The following KATNAL1 variants were observed in gnomAD, a reference collection of about 807,000 sequenced individuals.
KATNAL1 encodes the protein katanin catalytic subunit A1 like 1.
KATNAL1 carries 32 observed loss-of-function variants against 55.2 expected under a neutral mutation model. The observed-to-expected ratio is 0.58, with a 90% CI of 0.44 to 0.78. The LOEUF (loss-of-function observed/expected upper bound fraction) is 0.78. KATNAL1 is among the 30% of genes least tolerant of loss of function. The probability of loss-of-function intolerance (pLI) is 0.00; values close to 1 mark genes in which losing one functional copy is unlikely to be tolerated. For missense variants in KATNAL1, 466 were observed against 600.9 expected, an observed-to-expected ratio of 0.78 and a Z score of 2.35; for synonymous variants, 193 against 193.6, an observed-to-expected ratio of 1.00 and a Z score of 0.02.
At chr13:30,269,253 C>T (rs1880041025) in intron 3 of KATNAL1, among the ~76,000 whole-genome samples, 1 of 152,366 alleles carries the variant, frequency 6.6e-6, no homozygotes, top group South Asian at 2.1e-4. Context: ...GACTGGTTTT[C>T]GTATTTTTTT....
At position 30,204,533 on chromosome 13, in the gene KATNAL1, A is replaced by T. The variant is rs1343857913; in HGVS notation, c.*4007T>A. 2 of 152,192 alleles carry T rather than the reference A, an allele frequency of 1.3e-5. No homozygotes were observed. The highest frequency in any genetic ancestry group is 2.9e-5 in the Non-Finnish European group (2 of 68,030). 9.4% of individuals were successfully genotyped at this position (152,192 alleles called of 1,614,324 possible). A position where few individuals can be genotyped will look rare whatever the true frequency, so the allele number is the denominator to read the frequency against. ...TATAAAAACTTATTCCTAAGGAAGG[A>T]ATTCAAATGAACTCAAGCTGTCCAA... On this transcript the variant is annotated 3_prime_UTR_variant, in exon 11 of 11. Coordinates refer to ENST00000380615, the MANE Select transcript of KATNAL1 (RefSeq NM_032116.5).
At position 30,221,642 on chromosome 13, in the gene KATNAL1, G is replaced by A. The variant is rs1201160689; in HGVS notation, c.1147+5770C>T. Among the ~76,000 whole-genome samples the A allele has an allele frequency of 5.9e-5, 9 of 152,200 alleles. No homozygotes were observed. In the East Asian group the frequency reaches 1.5e-3, roughly 26 times the overall value. ...TACATAACTATTTATTATCCTCAAA[G>A]TTTCTGTGTGCCAAGAATTTAAGAG... On this transcript the variant is annotated intron_variant, in intron 9 of 10. Transcript: ENST00000380615.
At chr13:30,220,096 T>A (rs1339247959) in intron 9 of KATNAL1, among the ~76,000 whole-genome samples, 3 of 152,220 alleles carry the variant, frequency 2.0e-5, no homozygotes, top group African/African-American at 7.2e-5. Context: ...TTTTTATTTA[T>A]AATCACTGTA....
chr13:30,246,133 T>C lies in KATNAL1; in HGVS notation c.493-5047A>G, dbSNP rs564392645. Among the ~76,000 whole-genome samples, 23 of 152,210 alleles carry C rather than the reference T, an allele frequency of 1.5e-4. 2 individuals carry two copies. In the South Asian group the frequency reaches 4.6e-3, roughly 30 times the overall value. ...ACAAAGCTGGAGGCATCATGCTACC[T>C]TGACTTCAAACTATACTACAAGGCT... On this transcript the variant is annotated intron_variant, in intron 4 of 10. Transcript: ENST00000380615.
chr13:30,225,265 T>G (rs754861376), intron 9 of KATNAL1, among the ~76,000 whole-genome samples: 12 of 152,206 alleles, frequency 7.9e-5, no homozygotes, highest in Non-Finnish European at 1.3e-4. Context: ...TCTTCCTAAG[T>G]GCCCTCCTTA....
intron 1 of KATNAL1, among the ~76,000 whole-genome samples, chr13:30,305,579 T>C (rs1883126682): frequency 1.3e-5 from 2 of 152,244 alleles, no homozygotes; most frequent in Non-Finnish European, 1.5e-5. Flanking sequence ...GAGCAAGGCC[T>C]CTAAAGCCTG....
chr13:30,223,058 G>A (rs1237871060), intron 9 of KATNAL1, among the ~76,000 whole-genome samples: 5 of 151,894 alleles, frequency 3.3e-5, no homozygotes, highest in Non-Finnish European at 7.4e-5. Flanking sequence ...TCGCGCCACT[G>A]CACTCCCGCC....
Position 30,283,246 on chromosome 13 carries a change from G to A in KATNAL1, c.162+370C>T, listed in dbSNP as rs557999692. 3.5e-3 allele frequency among the ~76,000 whole-genome samples: 268 copies of A among 76,624 alleles called. 1 individual carries two copies. The highest frequency in any genetic ancestry group is 5.0e-3 in the Non-Finnish European group (221 of 44,368). The allele number at this position is 76,624 out of a possible 152,430, so 50.3% of individuals were successfully genotyped here. A position where few individuals can be genotyped will look rare whatever the true frequency, so the allele number is the denominator to read the frequency against. On this transcript the variant is annotated intron_variant, in intron 2 of 10. Transcript: ENST00000380615. ...TGCGCCACTGCACTCCGGCCTGGGC[G>A]ACAGAACAAGACTCTGTCTCAAAAA...
chr13:30,261,566 C>T (rs1368223416), intron 3 of KATNAL1, among the ~76,000 whole-genome samples: 1 of 152,048 alleles, frequency 6.6e-6, no homozygotes, highest in African/African-American at 2.4e-5. Context: ...GGGTTGCAAT[C>T]CTAGTCTCTG....
At chr13:30,270,347 G>A (rs1276289976) in intron 3 of KATNAL1, among the ~76,000 whole-genome samples, 2 of 151,434 alleles carry the variant, frequency 1.3e-5, no homozygotes, top group African/African-American at 2.4e-5. Flanking sequence ...GGAGGTGAGG[G>A]GCGCCTCTGC....
intron 3 of KATNAL1, among the ~76,000 whole-genome samples, chr13:30,261,933 C>T (rs554570309): frequency 6.6e-6 from 1 of 152,052 alleles, no homozygotes; most frequent in Non-Finnish European, 1.5e-5. Flanking sequence ...CAGCACCACA[C>T]CACACCTATT....
intron 3 of KATNAL1, among the ~76,000 whole-genome samples, chr13:30,268,762 C>T (rs138171223): frequency 1.3e-5 from 2 of 152,240 alleles, no homozygotes; most frequent in African/African-American, 4.8e-5. Flanking sequence ...AAAGATGAAA[C>T]TGAATCTAGA....
intron 1 of KATNAL1, among the ~76,000 whole-genome samples, chr13:30,287,633 G>C (rs1161863900): frequency 6.6e-6 from 1 of 152,146 alleles, no homozygotes; most frequent in East Asian, 1.9e-4. Flanking sequence ...ACCACACAAA[G>C]TGTCATCTTC....
At chr13:30,219,728 A>T (rs928843872) in intron 9 of KATNAL1, among the ~76,000 whole-genome samples, 1 of 152,346 alleles carries the variant, frequency 6.6e-6, no homozygotes. Context: ...TTTCATGATC[A>T]TAAGGTACAC....
chr13:30,215,793 G>A (rs1043634158), intron 9 of KATNAL1, among the ~76,000 whole-genome samples: 2 of 151,854 alleles, frequency 1.3e-5, no homozygotes, highest in African/African-American at 4.8e-5. Context: ...GGGGAGTGGG[G>A]AGGGATAGCA....
At position 30,228,333 on chromosome 13, in the gene KATNAL1, T is replaced by G. The variant is rs778708956; in HGVS notation, c.1013-787A>C. ...GCAACCTAGTTCAATACAGTATTTT[T>G]TAAAAAAACAAGGTCTGGTTCTGTT... is the stretch of plus-strand genomic sequence containing the variant. On this transcript the variant is annotated intron_variant, in intron 8 of 10. Transcript: ENST00000380615. 5.2e-4 allele frequency among the ~76,000 whole-genome samples: 79 copies of G among 152,190 alleles called. 1 individual carries two copies. The highest frequency in any genetic ancestry group is 1.3e-4 in the Non-Finnish European group (9 of 68,018).
Position 30,231,489 on chromosome 13 carries a change from C to CTT in KATNAL1, c.727-18_727-17insAA. On this transcript the variant is annotated splice_polypyrimidine_tract_variant and intron_variant, in intron 6 of 10. Coordinates refer to ENST00000380615, the MANE Select transcript of KATNAL1 (RefSeq NM_032116.5). ...CAGTACACCCTGAAATTTCAAAAGA[C>CTT]AAATTAAATGATTTATCAGATTAAA... 6.8e-7 allele frequency: 1 copy of CTT among 1,480,352 alleles called. No individual in the cohort carries two copies. Among genetic ancestry groups the CTT allele is most frequent in the Non-Finnish European group, 9.0e-7 (1 of 1,110,204 alleles). The allele number at this position is 1,480,352 out of a possible 1,614,324, so 91.7% of individuals were successfully genotyped here. A position where few individuals can be genotyped will look rare whatever the true frequency, so the allele number is the denominator to read the frequency against.
rs986752822 is a variant in KATNAL1 at position 30,205,081 on chromosome 13, A to G, written c.*3459T>C. The G allele has an allele frequency of 6.6e-6, 1 of 152,274 alleles. No homozygotes were observed. The highest frequency in any genetic ancestry group is 2.4e-5 in the African/African-American group (1 of 41,470). The allele number at this position is 152,274 out of a possible 1,614,324, so 9.4% of individuals were successfully genotyped here. ...GAAATGGTAAAAATTGTTCATTAAA[A>G]TAGATCCATAATAGTTACACATTAT... On this transcript the variant is annotated 3_prime_UTR_variant, in exon 11 of 11. Transcript: ENST00000380615.
chr13:30,211,343 G>A (rs558666247), intron 9 of KATNAL1, among the ~76,000 whole-genome samples: 3 of 152,238 alleles, frequency 2.0e-5, no homozygotes, highest in South Asian at 2.1e-4. Context: ...TGAATTGAGC[G>A]CTAGCTGCAG....
Sources: allele counts gnomAD v4.1 joint callset (sites outside exome capture counted in the v4.1 genomes callset), GRCh38; gene constraint gnomAD v4.1.1; transcripts MANE v1.5; gene names NCBI Gene and HGNC (gene_info 2026-07-23, HGNC 2026-07-21).